The following TIPIN variants were observed in gnomAD, a reference collection of about 807,000 sequenced individuals.
TIPIN encodes TIMELESS interacting protein, also known as TIMELESS-interacting protein.
A neutral mutation model predicts 35.6 loss-of-function variants in TIPIN; 29 were observed. The observed-to-expected ratio is 0.82, with a 90% confidence interval of 0.61 to 1.11. The LOEUF is 1.11. TIPIN is among the 50% of genes most tolerant of loss of function. The pLI, the probability that TIPIN is intolerant of heterozygous loss-of-function variation, is 0.00. For missense variants in TIPIN, 296 were observed against 345.4 expected (o/e 0.86, Z 1.13); for synonymous variants, 102 against 121.5 (o/e 0.84, Z 1.06).
intron 1 of TIPIN, among the ~76,000 whole-genome samples, chr15:66,355,439 G>C (rs572588759): frequency 6.6e-6 from 1 of 151,582 alleles, no homozygotes; most frequent in Non-Finnish European, 1.5e-5. Flanking sequence ...TCTAAATTTC[G>C]GTTACCATAA....
At chr15:66,379,945 A>C in intron 1 of TIPIN, 1 of 1,041,642 alleles carries the variant, frequency 9.6e-7, no homozygotes, top group Non-Finnish European at 1.4e-6. Context: ...AAGGACCTGG[A>C]ATTTATTATA....
rs1031635415 is a variant in TIPIN at position 66,352,712 on chromosome 15, A to T, written c.133+103T>A. On this transcript the variant is annotated intron_variant, in intron 2 of 7. Coordinates refer to ENST00000261881, the MANE Select transcript of TIPIN (RefSeq NM_017858.3). ...TGGCCAGGCTGGTCTCAAATTCCTGACCTTGTGATCCGCCCGCCTCAGCAT... is the reference window on the plus strand; with the variant it reads ...TGGCCAGGCTGGTCTCAAATTCCTGTCCTTGTGATCCGCCCGCCTCAGCAT... 6 of 1,281,620 alleles carry T rather than the reference A, an allele frequency of 4.7e-6. No homozygotes were observed. In the African/African-American group the frequency reaches 7.5e-5, roughly 16 times the overall value. The allele number at this position is 1,281,620 out of a possible 1,614,324, so 79.4% of individuals were successfully genotyped here.
At position 66,342,200 on chromosome 15, in the gene TIPIN, A is replaced by T. The variant is rs1268615328; in HGVS notation, c.476-844T>A. ...CAAGACTGTCTCAAAAAAAAAAAAA[A>T]AAAAAAAAGAAAGAAACAAAAAGTT... On this transcript the variant is annotated intron_variant, in intron 6 of 7. Coordinates refer to ENST00000261881, the MANE Select transcript of TIPIN (RefSeq NM_017858.3). Among the ~76,000 whole-genome samples, 337 of 151,350 alleles carry T rather than the reference A, an allele frequency of 2.2e-3. 1 individual carries two copies. The highest frequency in any genetic ancestry group is 3.9e-3 in the Non-Finnish European group (266 of 67,834).
At chr15:66,359,969 A>G (rs2093224021), upstream of TIPIN, among the ~76,000 whole-genome samples, 1 of 152,096 alleles carries the variant, frequency 6.6e-6, no homozygotes, top group Non-Finnish European at 1.5e-5. Flanking sequence ...GTGCAGTGAC[A>G]CAATCATAGC....
At chr15:66,340,368 G>A (rs1410552257) in intron 7 of TIPIN, among the ~76,000 whole-genome samples, 1 of 151,030 alleles carries the variant, frequency 6.6e-6, no homozygotes, top group Non-Finnish European at 1.5e-5. Context: ...AGTAGAGGTG[G>A]GGTTTCACCA....
intron 7 of TIPIN, among the ~76,000 whole-genome samples, chr15:66,339,105 C>T (rs948615793): frequency 2.4e-5 from 3 of 125,266 alleles, no homozygotes; most frequent in African/African-American, 9.3e-5. Flanking sequence ...GCACTCCAGC[C>T]TGAGCTACAG....
intron 1 of TIPIN, among the ~76,000 whole-genome samples, chr15:66,375,316 CTTCT>C (rs1314321139): frequency 3.3e-5 from 5 of 151,602 alleles, no homozygotes; most frequent in Admixed American, 6.6e-5. Context: ...TTGCAAATGT[CTTCT>C]TTCTTTTTCA....
At chr15:66,367,188 ATCTAT>A (rs2093258459) in intron 1 of TIPIN, among the ~76,000 whole-genome samples, 1 of 19,864 alleles carries the variant, frequency 5.0e-5, no homozygotes, top group South Asian at 2.1e-3. Context: ...TCAAAAAAAA[ATCTAT>A]ATCTATATCT....
intron 1 of TIPIN, among the ~76,000 whole-genome samples, chr15:66,378,147 T>C (rs1207252305): frequency 6.6e-6 from 1 of 152,154 alleles, no homozygotes; most frequent in African/African-American, 2.4e-5. Context: ...GGATTACAGG[T>C]GTATGCAACC....
At chr15:66,383,996 A>T (rs889951926) in intron 1 of TIPIN, among the ~76,000 whole-genome samples, 6 of 151,928 alleles carry the variant, frequency 3.9e-5, no homozygotes, top group East Asian at 1.9e-4. Flanking sequence ...TTATTTATTT[A>T]ATTTATTTAT....
chr15:66,379,056 A>G (rs1047295143), intron 1 of TIPIN, among the ~76,000 whole-genome samples: 1 of 151,900 alleles, frequency 6.6e-6, no homozygotes, highest in Non-Finnish European at 1.5e-5. Flanking sequence ...GCCGTGCACA[A>G]AGTTTTTTTT....
chr15:66,346,945 C>T (rs1159007471), intron 6 of TIPIN, among the ~76,000 whole-genome samples: 1 of 152,030 alleles, frequency 6.6e-6, no homozygotes, highest in Non-Finnish European at 1.5e-5. Flanking sequence ...GTGCCCGCCA[C>T]CACACCCGGC....
rs147988167 is a variant in TIPIN at position 66,374,873 on chromosome 15, C to T, written c.-9+11734G>A. On this transcript the variant is annotated intron_variant, in intron 1 of 7. Transcript: ENST00000562124. ...CTGGGATTACAGGTGTGAGCCACTG[C>T]GCCTGGCCAACTTTTTTGTAGAGAC... is the stretch of plus-strand genomic sequence containing the variant. Among the ~76,000 whole-genome samples, 873 of 152,098 alleles carry T rather than the reference C, an allele frequency of 5.7e-3. 3 individuals carry two copies. The highest frequency in any genetic ancestry group is 9.7e-3 in the Non-Finnish European group (661 of 67,986).
chr15:66,381,884 C>A (rs111452896), intron 1 of TIPIN, among the ~76,000 whole-genome samples: 1 of 152,064 alleles, frequency 6.6e-6, no homozygotes, highest in East Asian at 1.9e-4. Context: ...CCCAACATGG[C>A]GAAACCCTGT....
chr15:66,341,466 G>T, intron 6 of TIPIN, 110 bp from the exon 7 acceptor site: 1 of 831,882 alleles, frequency 1.2e-6, no homozygotes, highest in Non-Finnish European at 1.8e-6. Context: ...AAAACAATTT[G>T]TGAAGTATAA....
At chr15:66,353,632 AT>A (rs1308041072) in intron 1 of TIPIN, among the ~76,000 whole-genome samples, 2 of 151,478 alleles carry the variant, frequency 1.3e-5, no homozygotes, top group Non-Finnish European at 2.9e-5. Flanking sequence ...AAAAAAAAAA[AT>A]CTGTTTATAT....
chr15:66,374,657 G>A (rs1293069895), intron 1 of TIPIN, among the ~76,000 whole-genome samples: 3 of 152,058 alleles, frequency 2.0e-5, no homozygotes, highest in African/African-American at 4.8e-5. Flanking sequence ...TCGGATCACC[G>A]CAACCTCTAC....
rs147792880 is a variant in TIPIN at position 66,364,839 on chromosome 15, G to A, written c.-8-11884C>T. On this transcript the variant is annotated intron_variant, in intron 1 of 7. Coordinates refer to the TIPIN transcript ENST00000562124. Reference sequence around the variant, plus strand: ...AAATTAGCTGGGTGTGGTGGCAGGCGCCTGTAATCCCAGCTACTTAGGAGG... The same window carrying A: ...AAATTAGCTGGGTGTGGTGGCAGGCACCTGTAATCCCAGCTACTTAGGAGG... Among the ~76,000 whole-genome samples the A allele has an allele frequency of 8.6e-3, 1,308 of 151,730 alleles. 11 individuals are homozygous for A. The highest frequency in any genetic ancestry group is 0.014 in the Non-Finnish European group (969 of 67,926).
At chr15:66,351,887 C>T (rs1303545586) in intron 3 of TIPIN, among the ~76,000 whole-genome samples, 1 of 151,966 alleles carries the variant, frequency 6.6e-6, no homozygotes, top group East Asian at 1.9e-4. Context: ...GATCCGCCCA[C>T]GTAGGCCTCC....
Sources: gnomAD v4.1 joint callset for allele counts (sites outside exome capture counted in the v4.1 genomes callset) on GRCh38, gnomAD v4.1.1 for gene constraint, MANE v1.5 for transcripts, NCBI Gene and HGNC (gene_info 2026-07-23, HGNC 2026-07-21) for gene names.